The following RAB40C variants were observed in gnomAD, a reference collection of about 807,000 sequenced individuals.
RAB40C encodes the protein RAB40C, member RAS oncogene family, also known as ras-related protein Rab-40C.
Under a neutral mutation model 28.1 loss-of-function variants are expected in RAB40C, and 8 were observed. The ratio of observed to expected loss-of-function variants is 0.28; its 90% CI spans 0.17 to 0.51. The LOEUF (loss-of-function observed/expected upper bound fraction) is 0.51, where lower values mean the gene tolerates loss of function less well. Ranked by LOEUF, RAB40C falls within the 20% of genes least tolerant of loss-of-function variation. The pLI is 0.97. For synonymous variants in RAB40C, 201 were observed against 171.7 expected, an observed-to-expected ratio of 1.17 and a Z score of -1.34; for missense variants, 288 against 405.9, an observed-to-expected ratio of 0.71 and a Z score of 2.50.
At chr16:593,336 AAG>A (rs1244591742) in intron 1 of RAB40C, among the ~76,000 whole-genome samples, 1 of 152,226 alleles carries the variant, frequency 6.6e-6, no homozygotes, top group Admixed American at 6.5e-5. Context: ...TCTCCTTTGA[AAG>A]AGTTGTAGCA....
chr16:618,137 GGAA>G (rs1371002899), intron 2 of RAB40C, 60 bp from the exon 3 acceptor site: 1 of 1,526,316 alleles, frequency 6.6e-7, no homozygotes, highest in Non-Finnish European at 9.0e-7. Flanking sequence ...GGCAGAGGAG[GGAA>G]GGAGGTGAGC....
chr16:605,130 C>T (rs1346749607), intron 1 of RAB40C, among the ~76,000 whole-genome samples: 1 of 152,184 alleles, frequency 6.6e-6, no homozygotes, highest in African/African-American at 2.4e-5. Context: ...GAGGCTGAGG[C>T]AGGAGGATCG....
chr16:597,275 G>A (rs2036147096), intron 1 of RAB40C, among the ~76,000 whole-genome samples: 1 of 151,970 alleles, frequency 6.6e-6, no homozygotes, highest in African/African-American at 2.4e-5. Flanking sequence ...GGGAAGAGTT[G>A]GTCCCATATT....
chr16:613,321 C>T (rs2036521951), intron 1 of RAB40C, among the ~76,000 whole-genome samples: 1 of 152,006 alleles, frequency 6.6e-6, no homozygotes, highest in Non-Finnish European at 1.5e-5. Flanking sequence ...GGGACAGCCG[C>T]CCTCGCCTGT....
At chr16:621,879 G>A (rs2036724160) in intron 3 of RAB40C, among the ~76,000 whole-genome samples, 3 of 152,208 alleles carry the variant, frequency 2.0e-5, no homozygotes, top group African/African-American at 7.2e-5. Flanking sequence ...AGCGTGGTAC[G>A]GGAGGCACAC....
chr16:618,046 T>A (rs1257987737), intron 2 of RAB40C, among the ~76,000 whole-genome samples, 154 bp from the exon 3 acceptor site: 2 of 152,156 alleles, frequency 1.3e-5, no homozygotes, highest in African/African-American at 4.8e-5. Flanking sequence ...TGCTGTGACC[T>A]GTGCAGACAA....
chr16:599,618 G>A (rs112767802), intron 1 of RAB40C, among the ~76,000 whole-genome samples: 5 of 149,720 alleles, frequency 3.3e-5, no homozygotes, highest in African/African-American at 1.2e-4. Flanking sequence ...ATTCAGCAAG[G>A]TTTTGTTACC....
chr16:626,987 C>T (rs924499427), intron 5 of RAB40C, among the ~76,000 whole-genome samples: 2 of 152,118 alleles, frequency 1.3e-5, no homozygotes, highest in African/African-American at 2.4e-5. Flanking sequence ...AGTCAGGACG[C>T]GCGCTCCCCC....
intron 3 of RAB40C, among the ~76,000 whole-genome samples, chr16:622,506 C>T (rs143786182): frequency 1.7e-3 from 264 of 152,286 alleles, no homozygotes; most frequent in Middle Eastern, 6.8e-3. Flanking sequence ...AGCACTCGCT[C>T]GTTCTTTTGT....
intron 3 of RAB40C, among the ~76,000 whole-genome samples, chr16:618,811 C>T (rs1449971902): frequency 7.8e-6 from 1 of 127,956 alleles, no homozygotes; most frequent in African/African-American, 3.1e-5. Flanking sequence ...TGTGTGTGTG[C>T]ACAGGTGTAG....
chr16:627,349 C>G lies in RAB40C; in HGVS notation c.573C>G (p.Ser191Arg). The G allele has an allele frequency of 6.2e-7, 1 of 1,612,616 alleles. No homozygotes were observed. The highest frequency in any genetic ancestry group is 8.5e-7 in the Non-Finnish European group (1 of 1,179,510). ...EKIWRPNRVF[S>R]LQDLCCRAIV... ...ACCCCCTCTGCCCCACAGTGTTCAG[C>G]CTGCAGGACCTCTGCTGCCGGGCCA... is the stretch of plus-strand genomic sequence containing the variant. Residue 191 changes from serine to arginine, a missense_variant, in exon 6 of 6, where the codon AGC becomes AGG. Coordinates refer to ENST00000248139, the MANE Select transcript of RAB40C (RefSeq NM_021168.5).
At chr16:623,466 G>A (rs566827791) in intron 3 of RAB40C, among the ~76,000 whole-genome samples, 47 of 151,708 alleles carry the variant, frequency 3.1e-4, no homozygotes, top group East Asian at 5.8e-4. Flanking sequence ...TGGCTAACAC[G>A]GTGAAACCCT....
intron 1 of RAB40C, among the ~76,000 whole-genome samples, chr16:612,865 C>CA: frequency 2.3e-5 from 1 of 43,398 alleles, no homozygotes; most frequent in Non-Finnish European, 4.1e-5. Flanking sequence ...GAATCAAGAG[C>CA]AGGGACAGCC....
intron 1 of RAB40C, among the ~76,000 whole-genome samples, chr16:615,026 C>T (rs1274290775): frequency 6.6e-5 from 10 of 152,234 alleles, no homozygotes; most frequent in Non-Finnish European, 1.5e-4. Flanking sequence ...ACCATTGTTC[C>T]TTCTTGTCTT....
intron 1 of RAB40C, among the ~76,000 whole-genome samples, chr16:607,516 ACGGG>A (rs2036385721): frequency 2.0e-5 from 3 of 150,230 alleles, no homozygotes; most frequent in East Asian, 1.9e-4. Flanking sequence ...AAAAAAAAAA[ACGGG>A]GGGCCGGGCG....
chr16:617,901 C>T (rs901676309), intron 2 of RAB40C, among the ~76,000 whole-genome samples: 2 of 152,170 alleles, frequency 1.3e-5, no homozygotes, highest in African/African-American at 2.4e-5. Flanking sequence ...ACGTGAATGT[C>T]CACAGGGTTG....
intron 1 of RAB40C, among the ~76,000 whole-genome samples, chr16:605,685 T>C (rs994784007): frequency 6.6e-6 from 1 of 152,194 alleles, no homozygotes; most frequent in Admixed American, 6.5e-5. Flanking sequence ...CTGCAGTGCA[T>C]TGGCTCCACT....
intron 3 of RAB40C, 24 bp downstream of exon 3, chr16:618,284 A>G (rs755186676): frequency 3.2e-6 from 5 of 1,586,708 alleles, no homozygotes; most frequent in South Asian, 2.3e-5. Context: ...CGCTCTTTCC[A>G]TTGCTTTTCA....
chr16:593,998 C>T (rs906430921), intron 1 of RAB40C, among the ~76,000 whole-genome samples: 1 of 152,166 alleles, frequency 6.6e-6, no homozygotes, highest in African/African-American at 2.4e-5. Context: ...CAGTCAGGCT[C>T]CAGGGTGTGG....
Sources: allele counts gnomAD v4.1 joint callset (sites outside exome capture counted in the v4.1 genomes callset), GRCh38; gene constraint gnomAD v4.1.1; transcripts MANE v1.5; gene names NCBI Gene and HGNC (gene_info 2026-07-23, HGNC 2026-07-21).